Variants in SSH2 observed in about 807,000 individuals in gnomAD.
SSH2 encodes slingshot protein phosphatase 2.
In SSH2, 37 loss-of-function variants were observed where a neutral mutation model predicts 135.2. The ratio of observed to expected loss-of-function variants is 0.27; its 90% CI spans 0.21 to 0.36. The LOEUF (loss-of-function observed/expected upper bound fraction) is 0.36, where lower values mean the gene tolerates loss of function less well. Ranked by LOEUF, SSH2 falls within the 10% of genes least tolerant of loss-of-function variation. The pLI, the probability that SSH2 is intolerant of heterozygous loss-of-function variation, is 1.00. For synonymous variants in SSH2, 628 were observed against 646.2 expected, an observed-to-expected ratio of 0.97 and a Z score of 0.43; for missense variants, 1,408 against 1,765.3, an observed-to-expected ratio of 0.80 and a Z score of 3.63.
intron 13 of SSH2, among the ~76,000 whole-genome samples, chr17:29,649,690 T>A (rs978611223): frequency 1.3e-5 from 2 of 152,206 alleles, no homozygotes; most frequent in Non-Finnish European, 2.9e-5. Flanking sequence ...CCTCTCTGAA[T>A]GTTGACAACA....
At chr17:29,677,025 A>G (rs909228768) in intron 7 of SSH2, 140 bp from the exon 8 acceptor site, 4 of 681,938 alleles carry the variant, frequency 5.9e-6, no homozygotes, top group Non-Finnish European at 1.0e-5. Flanking sequence ...AGAAGTTTTA[A>G]CTAGAGTGTA....
intron 1 of SSH2, among the ~76,000 whole-genome samples, chr17:29,849,451 C>A (rs2065508457): frequency 6.8e-6 from 1 of 146,410 alleles, no homozygotes; most frequent in South Asian, 2.2e-4. Context: ...TGTACTCCAG[C>A]CTGGGCGACA....
intron 4 of SSH2, among the ~76,000 whole-genome samples, chr17:29,702,361 A>G (rs2039019059): frequency 6.6e-6 from 1 of 151,652 alleles, no homozygotes; most frequent in African/African-American, 2.4e-5. Context: ...TCAAAAAAAA[A>G]AAAACAACCC....
intron 7 of SSH2, among the ~76,000 whole-genome samples, 154 bp downstream of exon 7, chr17:29,677,519 C>G (rs568011355): frequency 2.0e-5 from 3 of 152,328 alleles, no homozygotes; most frequent in African/African-American, 7.2e-5. Flanking sequence ...TTTTACTCCA[C>G]TTTACAAAAC....
At chr17:29,634,811 A>G (rs530183841) in intron 15 of SSH2, among the ~76,000 whole-genome samples, 122 of 152,132 alleles carry the variant, frequency 8.0e-4, no homozygotes, top group Non-Finnish European at 1.5e-3. Flanking sequence ...TCAGCCTCCC[A>G]AAGTGCTGGG....
chr17:29,782,880 C>A (rs1039136608), intron 3 of SSH2, among the ~76,000 whole-genome samples: 10 of 152,326 alleles, frequency 6.6e-5, no homozygotes, highest in Non-Finnish European at 1.3e-4. Flanking sequence ...GCCACTACAC[C>A]TGGCTAATTT....
intron 1 of SSH2, among the ~76,000 whole-genome samples, chr17:29,893,007 C>CT (rs2066378109): frequency 6.6e-6 from 1 of 152,074 alleles, no homozygotes; most frequent in East Asian, 1.9e-4. Context: ...CTACTTGCTA[C>CT]TTTCCTTTCC....
intron 3 of SSH2, among the ~76,000 whole-genome samples, chr17:29,729,349 A>G (rs541045132): frequency 6.6e-6 from 1 of 152,368 alleles, no homozygotes; most frequent in South Asian, 2.1e-4. Flanking sequence ...ATATCATCTT[A>G]TCCCAGTTAA....
chr17:29,863,530 T>C (rs904164612), intron 1 of SSH2: 1 of 152,216 alleles, frequency 6.6e-6, no homozygotes, highest in Admixed American at 6.5e-5. Context: ...GATGCAGTTA[T>C]GCAGATTTGA....
At chr17:29,835,958 C>CA (rs34869280) in intron 2 of SSH2, among the ~76,000 whole-genome samples, 3,113 of 77,278 alleles carry the variant, frequency 0.04, 75 homozygotes, top group Middle Eastern at 0.11. Flanking sequence ...GACTTCGTCT[C>CA]AAAAAAAAAA....
At chr17:29,799,113 T>C (rs901495916) in intron 2 of SSH2, among the ~76,000 whole-genome samples, 3 of 152,224 alleles carry the variant, frequency 2.0e-5, no homozygotes, top group Admixed American at 6.5e-5. Flanking sequence ...ATCTACTTAT[T>C]ACATATAGCT....
At chr17:29,790,801 T>C (rs1210707331) in intron 3 of SSH2, among the ~76,000 whole-genome samples, 3 of 151,330 alleles carry the variant, frequency 2.0e-5, no homozygotes, top group Non-Finnish European at 2.9e-5. Context: ...CAATCTCAGC[T>C]CACTGCAACC....
At chr17:29,650,024 C>T (rs1028724005) in intron 13 of SSH2, among the ~76,000 whole-genome samples, 5 of 152,104 alleles carry the variant, frequency 3.3e-5, no homozygotes, top group Admixed American at 6.5e-5. Flanking sequence ...CAAACAAGCT[C>T]GTTTATGGTT....
intron 1 of SSH2, among the ~76,000 whole-genome samples, chr17:29,880,296 A>AT (rs1024954346): frequency 6.6e-6 from 1 of 152,102 alleles, no homozygotes; most frequent in African/African-American, 2.4e-5. Context: ...AATTTTTTCT[A>AT]TTTTTTGTAG....
chr17:29,729,390 T>G (rs946617613), intron 3 of SSH2, among the ~76,000 whole-genome samples: 11 of 152,156 alleles, frequency 7.2e-5, no homozygotes, highest in Admixed American at 1.3e-4. Flanking sequence ...TAGGAAATAA[T>G]AAATGCTGGT....
At chr17:29,751,185 G>A (rs1315198527) in intron 3 of SSH2, among the ~76,000 whole-genome samples, 1 of 152,212 alleles carries the variant, frequency 6.6e-6, no homozygotes, top group Non-Finnish European at 1.5e-5. Context: ...GGAGGCCGAG[G>A]CGGGTGGATC....
At position 29,929,782 on chromosome 17, in the gene SSH2, T is replaced by C. The variant is rs145397094; in HGVS notation, c.63+156A>G. ...AACGTCTTGTAGTTCCTGCTGCTAG[T>C]CTTTAACATGGGGGTGTGGGGGGGT... is the stretch of plus-strand genomic sequence containing the variant. On this transcript the variant is annotated intron_variant, in intron 1 of 15. Coordinates refer to ENST00000540801, the MANE Select transcript of SSH2 (RefSeq NM_001282129.2). 9.6e-4 allele frequency: 615 copies of C among 643,392 alleles called. 2 individuals carry two copies. Among genetic ancestry groups the C allele is most frequent in the Middle Eastern group, 5.8e-3 (14 of 2,394 alleles). 39.9% of individuals were successfully genotyped at this position (643,392 alleles called of 1,614,324 possible). A position where few individuals can be genotyped will look rare whatever the true frequency, so the allele number is the denominator to read the frequency against.
At chr17:29,734,684 T>C (rs2040308504) in intron 3 of SSH2, among the ~76,000 whole-genome samples, 1 of 152,206 alleles carries the variant, frequency 6.6e-6, no homozygotes, top group Admixed American at 6.5e-5. Context: ...TAGCAATATT[T>C]TACCCTAACA....
chr17:29,904,478 A>G (rs2066617814), intron 1 of SSH2, among the ~76,000 whole-genome samples: 2 of 152,282 alleles, frequency 1.3e-5, no homozygotes, highest in African/African-American at 4.8e-5. Context: ...CTCTCAATAA[A>G]CTAGGTATTG....
Sources: allele counts gnomAD v4.1 joint callset (sites outside exome capture counted in the v4.1 genomes callset), GRCh38; gene constraint gnomAD v4.1.1; transcripts MANE v1.5; gene names NCBI Gene and HGNC (gene_info 2026-07-23, HGNC 2026-07-21).